Variants in KIF6 observed in about 807,000 individuals in gnomAD.
KIF6 encodes kinesin family member 6.
In KIF6, 106 loss-of-function variants were observed where a neutral mutation model predicts 112.7. That is an observed-to-expected ratio of 0.94 (90% CI 0.80 to 1.11). The LOEUF (loss-of-function observed/expected upper bound fraction) is 1.11, where lower values mean the gene tolerates loss of function less well. Ranked by LOEUF, KIF6 falls within the 50% of genes least tolerant of loss-of-function variation. The probability of loss-of-function intolerance (pLI) is 0.00; values close to 1 mark genes in which losing one functional copy is unlikely to be tolerated. For synonymous variants in KIF6, 339 were observed against 339.9 expected (o/e 1.00, Z 0.03); for missense variants, 929 against 964.0 (o/e 0.96, Z 0.48).
intron 3 of KIF6, among the ~76,000 whole-genome samples, chr6:39,677,694 C>T (rs985570609): frequency 1.8e-5 from 2 of 111,078 alleles, no homozygotes; most frequent in Admixed American, 9.5e-5. Context: ...CCCCCGACCC[C>T]ACCACAGTCC....
At chr6:39,660,098 C>A (rs1786044834) in intron 3 of KIF6, among the ~76,000 whole-genome samples, 1 of 152,148 alleles carries the variant, frequency 6.6e-6, no homozygotes, top group Non-Finnish European at 1.5e-5. Flanking sequence ...ATTGCTTGAG[C>A]TCAGGAGTTT....
chr6:39,575,474 G>A (rs916299153), intron 10 of KIF6, among the ~76,000 whole-genome samples: 2 of 152,106 alleles, frequency 1.3e-5, no homozygotes, highest in Non-Finnish European at 2.9e-5. Context: ...GTTTCACCAT[G>A]TTGGCCAGGA....
intron 15 of KIF6, among the ~76,000 whole-genome samples, chr6:39,414,291 G>A (rs900841131): frequency 1.3e-5 from 2 of 151,998 alleles, no homozygotes; most frequent in Non-Finnish European, 2.9e-5. Flanking sequence ...CCACATCTAC[G>A]TTTATGCTTT....
chr6:39,448,465 G>A (rs1481587052), intron 13 of KIF6, among the ~76,000 whole-genome samples: 1 of 152,096 alleles, frequency 6.6e-6, no homozygotes, highest in Non-Finnish European at 1.5e-5. Flanking sequence ...GTGAGCCATC[G>A]TGCCCGGCCA....
At chr6:39,664,387 C>T (rs1245186370) in intron 3 of KIF6, among the ~76,000 whole-genome samples, 2 of 152,162 alleles carry the variant, frequency 1.3e-5, no homozygotes, top group Non-Finnish European at 2.9e-5. Flanking sequence ...TCATTTTTCA[C>T]CCCTAAACAT....
At chr6:39,648,852 T>C (rs376786451) in intron 3 of KIF6, among the ~76,000 whole-genome samples, 5 of 152,262 alleles carry the variant, frequency 3.3e-5, no homozygotes, top group East Asian at 1.9e-4. Flanking sequence ...TTAGTTCCCC[T>C]AGTTTAGATA....
At chr6:39,612,136 A>G (rs1783248115) in intron 6 of KIF6, among the ~76,000 whole-genome samples, 1 of 152,206 alleles carries the variant, frequency 6.6e-6, no homozygotes, top group African/African-American at 2.4e-5. Flanking sequence ...TGCTTTCAGT[A>G]TCTGAATTTG....
chr6:39,506,984 A>C (rs1470626066), intron 13 of KIF6, among the ~76,000 whole-genome samples: 1 of 152,188 alleles, frequency 6.6e-6, no homozygotes, highest in Non-Finnish European at 1.5e-5. Context: ...CCACTTGGCT[A>C]TTCCTGAATT....
chr6:39,338,781 G>A (rs1304832585), intron 22 of KIF6, among the ~76,000 whole-genome samples: 4 of 152,158 alleles, frequency 2.6e-5, no homozygotes, highest in African/African-American at 7.2e-5. Flanking sequence ...CCGTGGGCAC[G>A]TGGCTGCTGA....
chr6:39,487,420 T>TGTACCTACCCTAACATGGGCCAGC (rs1775182632), intron 13 of KIF6, among the ~76,000 whole-genome samples: 1 of 152,180 alleles, frequency 6.6e-6, no homozygotes, highest in Non-Finnish European at 1.5e-5. Context: ...GACTGGTCCA[T>TGTACCTACCCTAACATGGGCCAGC]GTACCTACCC....
chr6:39,353,574 T>C (rs1764420050), intron 19 of KIF6, among the ~76,000 whole-genome samples: 1 of 152,246 alleles, frequency 6.6e-6, no homozygotes, highest in African/African-American at 2.4e-5. Flanking sequence ...GTTTTAATTT[T>C]AAATAAAGTC....
intron 6 of KIF6, among the ~76,000 whole-genome samples, 187 bp downstream of exon 6, chr6:39,613,002 A>G (rs1398897898): frequency 2.6e-5 from 4 of 152,268 alleles, no homozygotes; most frequent in African/African-American, 9.6e-5. Context: ...TAGCTGGGTG[A>G]CCTTGGGAAA....
At chr6:39,478,155 T>A (rs1211140356) in intron 13 of KIF6, among the ~76,000 whole-genome samples, 1 of 152,184 alleles carries the variant, frequency 6.6e-6, no homozygotes, top group African/African-American at 2.4e-5. Context: ...CCTAGCAGTA[T>A]ACACTGAACT....
chr6:39,641,877 C>T (rs559449767), intron 3 of KIF6, among the ~76,000 whole-genome samples: 46 of 152,254 alleles, frequency 3.0e-4, no homozygotes, highest in African/African-American at 1.0e-3. Context: ...CCCCCATCTA[C>T]TGTGGGATGG....
intron 15 of KIF6, among the ~76,000 whole-genome samples, chr6:39,403,680 A>G (rs1375473686): frequency 6.6e-6 from 1 of 152,198 alleles, no homozygotes; most frequent in African/African-American, 2.4e-5. Context: ...GTTGGCTTGT[A>G]TGGTATGTCT....
intron 22 of KIF6, among the ~76,000 whole-genome samples, chr6:39,340,810 A>G (rs759408855): frequency 2.6e-5 from 4 of 152,074 alleles, no homozygotes; most frequent in Non-Finnish European, 5.9e-5. Context: ...TCTTATATGT[A>G]CAAAAGCTTA....
Position 39,555,993 on chromosome 6 carries a change from A to G in KIF6, c.1182-10305T>C, listed in dbSNP as rs144785316. Among the ~76,000 whole-genome samples, 28 of 151,746 alleles carry G rather than the reference A, an allele frequency of 1.8e-4. No homozygotes were observed. In the South Asian group the frequency reaches 2.5e-3, roughly 14 times the overall value. Reference sequence around the variant, plus strand: ...AAAAAAAGAAGATTTATAGTAATGAATGGATTCTTACATAAAGATTATTTT... The same window carrying G: ...AAAAAAAGAAGATTTATAGTAATGAGTGGATTCTTACATAAAGATTATTTT... On this transcript the variant is annotated intron_variant, in intron 10 of 22. Transcript: ENST00000287152.
At chr6:39,716,227 A>G (rs1265732954) in intron 2 of KIF6, among the ~76,000 whole-genome samples, 1 of 152,208 alleles carries the variant, frequency 6.6e-6, no homozygotes, top group Non-Finnish European at 1.5e-5. Flanking sequence ...TATTCATTCC[A>G]CAAACACATA....
intron 13 of KIF6, among the ~76,000 whole-genome samples, chr6:39,490,755 C>A (rs1381287954): frequency 6.6e-6 from 1 of 152,004 alleles, no homozygotes; most frequent in East Asian, 1.9e-4. Flanking sequence ...CCATTAAAGA[C>A]TATGATAAAA....
Sources: gnomAD v4.1 joint callset for allele counts (sites outside exome capture counted in the v4.1 genomes callset) on GRCh38, gnomAD v4.1.1 for gene constraint, MANE v1.5 for transcripts, NCBI Gene and HGNC (gene_info 2026-07-23, HGNC 2026-07-21) for gene names.